Variants in BICDL1 observed in about 807,000 individuals in gnomAD.
BICDL1 encodes the protein BICD family like cargo adaptor 1, also known as BICD family-like cargo adapter 1.
A neutral mutation model predicts 76.8 loss-of-function variants in BICDL1; 20 were observed. The observed-to-expected ratio is 0.26, with a 90% confidence interval of 0.18 to 0.38. The LOEUF (loss-of-function observed/expected upper bound fraction) is 0.38. BICDL1 is among the 10% of genes least tolerant of loss of function. BICDL1 has a pLI of 1.00. For synonymous variants in BICDL1, 383 were observed against 337.1 expected, an observed-to-expected ratio of 1.14 and a Z score of -1.49; for missense variants, 700 against 798.6, an observed-to-expected ratio of 0.88 and a Z score of 1.49.
intron 2 of BICDL1, among the ~76,000 whole-genome samples, chr12:120,057,687 T>G (rs1038158885): frequency 3.3e-5 from 5 of 152,186 alleles, no homozygotes; most frequent in African/African-American, 1.2e-4. Context: ...ATTCCCTCCA[T>G]CACCATCACA....
At chr12:120,054,839 G>A (rs547917412) in intron 2 of BICDL1, among the ~76,000 whole-genome samples, 1 of 152,176 alleles carries the variant, frequency 6.6e-6, no homozygotes, top group African/African-American at 2.4e-5. Flanking sequence ...GAGATCGCAC[G>A]ACAGCACTCC....
At chr12:120,028,297 C>G (rs1952349427) in intron 2 of BICDL1, among the ~76,000 whole-genome samples, 1 of 152,080 alleles carries the variant, frequency 6.6e-6, no homozygotes, top group Non-Finnish European at 1.5e-5. Context: ...GTTTTGTTCT[C>G]TACTTCTTAG....
chr12:120,033,534 G>T (rs527886568), intron 2 of BICDL1, among the ~76,000 whole-genome samples: 1 of 151,478 alleles, frequency 6.6e-6, no homozygotes, highest in Admixed American at 6.6e-5. Context: ...CCGCCTCCAC[G>T]CCCGGCTAAT....
chr12:120,051,813 G>A (rs1156800172), intron 2 of BICDL1, among the ~76,000 whole-genome samples: 2 of 152,130 alleles, frequency 1.3e-5, no homozygotes, highest in African/African-American at 4.8e-5. Context: ...TTGGAATTTT[G>A]TCAGTTTTCC....
chr12:120,018,500 T>C lies in BICDL1; in HGVS notation c.645+19764T>C, dbSNP rs145656725. ...GATTGTGTGGAATGAAAGCAAAACC[T>C]TAAATCTTGAAGTCAGGGTATATTT... On this transcript the variant is annotated intron_variant, in intron 2 of 9. Coordinates refer to ENST00000548673, the MANE Select transcript of BICDL1 (RefSeq NM_001367886.1). 4.0e-3 allele frequency among the ~76,000 whole-genome samples: 610 copies of C among 152,230 alleles called. 5 individuals are homozygous for C. Among genetic ancestry groups the C allele is most frequent in the African/African-American group, 0.014 (580 of 41,544 alleles).
At chr12:120,091,763 C>T (rs1395269246) in intron 9 of BICDL1, 1 of 985,218 alleles carries the variant, frequency 1.0e-6, no homozygotes, top group Non-Finnish European at 1.2e-6. Flanking sequence ...CTGAAACCTG[C>T]AGAGATATTA....
chr12:120,024,504 A>G (rs777667108), intron 2 of BICDL1, among the ~76,000 whole-genome samples: 1 of 152,246 alleles, frequency 6.6e-6, no homozygotes, highest in Non-Finnish European at 1.5e-5. Context: ...TTTTGAACAA[A>G]TAATGGCTGA....
At position 120,071,823 on chromosome 12, in the gene BICDL1, C is replaced by A; in HGVS notation, c.1089+22C>A. ...GCAGGTGCTGACCTGCCTGTCACCCCACAGGCGAGGCTACCTGGGGTTGCT... is the reference window on the plus strand; with the variant it reads ...GCAGGTGCTGACCTGCCTGTCACCCAACAGGCGAGGCTACCTGGGGTTGCT... On this transcript the variant is annotated intron_variant, in intron 5 of 9. Transcript: ENST00000548673. The surrounding 1 kb of genome is among the most constrained non-coding windows in gnomAD (Gnocchi z 4.8). The A allele has an allele frequency of 1.9e-6, 3 of 1,574,784 alleles. No homozygotes were observed. In the South Asian group the frequency reaches 3.5e-5, roughly 18 times the overall value.
At chr12:120,053,347 G>A (rs1411153041) in intron 2 of BICDL1, among the ~76,000 whole-genome samples, 1 of 152,182 alleles carries the variant, frequency 6.6e-6, no homozygotes, top group East Asian at 1.9e-4. Context: ...GCCTTCCAAA[G>A]TGCTGGGATT....
intron 2 of BICDL1, among the ~76,000 whole-genome samples, chr12:119,999,484 A>G (rs563154161): frequency 6.6e-6 from 1 of 152,342 alleles, no homozygotes; most frequent in Admixed American, 6.5e-5. Flanking sequence ...TTGATGTTGC[A>G]TTTGTGAATG....
intron 2 of BICDL1, among the ~76,000 whole-genome samples, chr12:120,006,937 A>G (rs1951861661): frequency 6.6e-6 from 1 of 151,672 alleles, no homozygotes; most frequent in African/African-American, 2.4e-5. Flanking sequence ...AGGGATAGAG[A>G]TGGATGAAGA....
At chr12:120,080,593 G>A (rs976435474) in intron 7 of BICDL1, 9 of 253,544 alleles carry the variant, frequency 3.5e-5, no homozygotes, top group African/African-American at 1.9e-4. Flanking sequence ...TGGAGATGGA[G>A]GAGGTAGTAT....
rs1378130107 is a variant in BICDL1, at chr12:119,989,236, AG to A, written c.-631del. Among the ~76,000 whole-genome samples the A allele has an allele frequency of 6.7e-6, 1 of 149,792 alleles. No homozygotes were observed. The highest frequency in any genetic ancestry group is 6.6e-5 in the Admixed American group (1 of 15,096). On this transcript the variant is annotated 5_prime_UTR_variant, in exon 1 of 10. Coordinates refer to ENST00000548673, the MANE Select transcript of BICDL1 (RefSeq NM_001367886.1). ...TGAGCCGGGAGGAGCCGGGGAAGGC[AG>A]GAAGGAGCTCGCCGGGTTGCGCGGC...
At chr12:120,005,429 A>G (rs1951832099) in intron 2 of BICDL1, among the ~76,000 whole-genome samples, 2 of 152,126 alleles carry the variant, frequency 1.3e-5, no homozygotes, top group Admixed American at 1.3e-4. Context: ...GCTGGAGTGT[A>G]GTGGCACAAT....
chr12:120,080,306 G>A (rs946397246), intron 7 of BICDL1, among the ~76,000 whole-genome samples: 1 of 152,228 alleles, frequency 6.6e-6, no homozygotes, highest in African/African-American at 2.4e-5. Context: ...CACAGAAAAG[G>A]TAACAGGTTT....
intron 2 of BICDL1, 68 bp from the exon 3 acceptor site, chr12:120,061,642 A>AG (rs11431036): frequency 0.2 from 210,234 of 1,050,004 alleles, 23,402 homozygotes; most frequent in East Asian, 0.41. Flanking sequence ...GATAAATGAA[A>AG]GCAGAAACCT....
chr12:119,990,397 C>A, intron 1 of BICDL1, 100 bp downstream of exon 1: 10 of 1,496,438 alleles, frequency 6.7e-6, no homozygotes, highest in Non-Finnish European at 8.9e-6. Flanking sequence ...CTTCGTTGCT[C>A]ACCCTACCTC....
At chr12:120,031,901 G>C (rs1341973307) in intron 2 of BICDL1, among the ~76,000 whole-genome samples, 1 of 151,936 alleles carries the variant, frequency 6.6e-6, no homozygotes, top group African/African-American at 2.4e-5. Flanking sequence ...GACCAGCTTG[G>C]GCAATATAAT....
chr12:119,990,206 C>A lies in BICDL1; in HGVS notation c.338C>A (p.Ala113Glu). ...IRQKEKDLVL[A>E]ARLGKALLER... Reference sequence around the variant, plus strand: ...CAGAAGGAGAAGGATCTGGTGTTGGCGGCCCGGCTGGGTAAGGCGCTGCTC... The same window carrying A: ...CAGAAGGAGAAGGATCTGGTGTTGGAGGCCCGGCTGGGTAAGGCGCTGCTC... The change falls in exon 1 of 10, where the codon GCG (alanine) becomes GAG (glutamate). Residue 113 changes from alanine to glutamate, a missense_variant. Physicochemically the swap from Ala to Glu is moderately radical, Grantham distance 107 (BLOSUM62 -1). Transcript: ENST00000548673. 1 of 1,566,630 alleles carries A rather than the reference C, an allele frequency of 6.4e-7. No individual in the cohort carries two copies. The highest frequency in any genetic ancestry group is 1.9e-5 in the Admixed American group (1 of 53,160).
Sources: allele counts gnomAD v4.1 joint callset (sites outside exome capture counted in the v4.1 genomes callset), GRCh38; gene constraint gnomAD v4.1.1; non-coding constraint Gnocchi (gnomAD v3.1); transcripts MANE v1.5; gene names NCBI Gene and HGNC (gene_info 2026-07-23, HGNC 2026-07-21).